CADPS2: variants seen among roughly 807,000 people sequenced by gnomAD.
CADPS2 encodes calcium dependent secretion activator 2.
Under a neutral mutation model 172.5 loss-of-function variants are expected in CADPS2, and 93 were observed. The observed-to-expected ratio is 0.54, with a 90% CI of 0.46 to 0.64. The LOEUF (loss-of-function observed/expected upper bound fraction) is 0.64. CADPS2 is among the 30% of genes least tolerant of loss of function. The probability of loss-of-function intolerance (pLI) is 0.00; values close to 1 mark genes in which losing one functional copy is unlikely to be tolerated. For missense variants in CADPS2, 1,420 were observed against 1,565.9 expected, an observed-to-expected ratio of 0.91 and a Z score of 1.57; for synonymous variants, 546 against 555.2, an observed-to-expected ratio of 0.98 and a Z score of 0.23.
intron 1 of CADPS2, among the ~76,000 whole-genome samples, chr7:122,756,178 T>C (rs1013615925): frequency 6.6e-6 from 1 of 152,220 alleles, no homozygotes; most frequent in Non-Finnish European, 1.5e-5. Flanking sequence ...CTAACTTAAC[T>C]GGCAGTGGAA....
intron 2 of CADPS2, among the ~76,000 whole-genome samples, chr7:122,727,470 T>A (rs1429480260): frequency 1.3e-5 from 2 of 151,558 alleles, no homozygotes; most frequent in East Asian, 3.9e-4. Context: ...TATCCTTTTT[T>A]AAGAATATAC....
chr7:122,780,370 G>T (rs974443446), intron 1 of CADPS2, among the ~76,000 whole-genome samples: 1 of 151,998 alleles, frequency 6.6e-6, no homozygotes, highest in Non-Finnish European at 1.5e-5. Context: ...TAATTCTAGA[G>T]ATATAAATAT....
intron 15 of CADPS2, 59 bp downstream of exon 15, chr7:122,451,315 G>A (rs2053073728): frequency 1.2e-6 from 1 of 852,022 alleles, no homozygotes; most frequent in East Asian, 3.2e-5. Context: ...ATTTTTGGGG[G>A]AAGTAAGGGT....
chr7:122,676,246 T>G (rs573725452), intron 2 of CADPS2, among the ~76,000 whole-genome samples: 83 of 152,198 alleles, frequency 5.5e-4, no homozygotes, highest in African/African-American at 1.8e-3. Context: ...GAGTAGACAA[T>G]AAAATAACTA....
chr7:122,447,608 C>T (rs896607159), intron 15 of CADPS2, among the ~76,000 whole-genome samples: 1 of 129,072 alleles, frequency 7.7e-6, no homozygotes, highest in Non-Finnish European at 1.6e-5. Context: ...GGCTGGAGTG[C>T]AGTCAGGCGA....
intron 1 of CADPS2, among the ~76,000 whole-genome samples, chr7:122,821,176 C>T (rs536752913): frequency 6.6e-6 from 1 of 152,108 alleles, no homozygotes; most frequent in South Asian, 2.1e-4. Flanking sequence ...TTACATTCAC[C>T]CCATTTCCCC....
chr7:122,707,124 A>T (rs1166265989), intron 2 of CADPS2, among the ~76,000 whole-genome samples: 2 of 151,886 alleles, frequency 1.3e-5, no homozygotes, highest in East Asian at 3.9e-4. Flanking sequence ...AAATTCCTGA[A>T]GTATCCCCAA....
At chr7:122,664,433 C>A (rs2080962127) in intron 2 of CADPS2, among the ~76,000 whole-genome samples, 1 of 136,952 alleles carries the variant, frequency 7.3e-6, no homozygotes, top group South Asian at 2.2e-4. Flanking sequence ...AAAATAAAAA[C>A]AACAATAGAG....
At chr7:122,823,281 G>GA (rs975222847) in intron 1 of CADPS2, among the ~76,000 whole-genome samples, 10 of 152,164 alleles carry the variant, frequency 6.6e-5, no homozygotes, top group East Asian at 3.9e-4. Context: ...ATTTTAGGGG[G>GA]AAAAAATCTT....
intron 20 of CADPS2, among the ~76,000 whole-genome samples, chr7:122,403,852 T>C (rs1192716353): frequency 2.0e-5 from 3 of 152,200 alleles, no homozygotes; most frequent in Non-Finnish European, 4.4e-5. Flanking sequence ...TATTAATTCA[T>C]TGTAGTAGAA....
At chr7:122,711,286 G>C (rs1243422832) in intron 2 of CADPS2, among the ~76,000 whole-genome samples, 1 of 152,062 alleles carries the variant, frequency 6.6e-6, no homozygotes, top group Non-Finnish European at 1.5e-5. Flanking sequence ...ATAAGCAGCA[G>C]CCTTTACAGG....
At chr7:122,589,508 T>G (rs2070390432) in intron 6 of CADPS2, among the ~76,000 whole-genome samples, 1 of 151,832 alleles carries the variant, frequency 6.6e-6, no homozygotes, top group African/African-American at 2.4e-5. Flanking sequence ...ATTTTAAAAG[T>G]TCAACACAGG....
intron 1 of CADPS2, among the ~76,000 whole-genome samples, chr7:122,764,722 A>T (rs779653259): frequency 1.3e-5 from 2 of 152,140 alleles, no homozygotes; most frequent in African/African-American, 4.8e-5. Context: ...CATTCAAATA[A>T]TATCAGTGGG....
intron 8 of CADPS2, among the ~76,000 whole-genome samples, chr7:122,533,346 ACT>A (rs1241722477): frequency 2.0e-5 from 3 of 151,974 alleles, no homozygotes; most frequent in Non-Finnish European, 4.4e-5. Context: ...AATGTATGTA[ACT>A]CTCTACCTAG....
intron 12 of CADPS2, among the ~76,000 whole-genome samples, chr7:122,474,895 G>A (rs2056448343): frequency 6.6e-6 from 1 of 152,166 alleles, no homozygotes; most frequent in African/African-American, 2.4e-5. Flanking sequence ...ATGCCTAGGA[G>A]TCTGCTTTCC....
chr7:122,737,080 A>C lies in CADPS2; in HGVS notation c.340-12T>G, dbSNP rs534686325. Reference sequence around the variant, plus strand: ...TGTTGTTTGTTAAGCTACAAGAAAAAGAGAAAATAAGCAGATAAATTGGCC... The same window carrying C: ...TGTTGTTTGTTAAGCTACAAGAAAACGAGAAAATAAGCAGATAAATTGGCC... On this transcript the variant is annotated splice_polypyrimidine_tract_variant and intron_variant, in intron 1 of 29. Transcript: ENST00000449022. The C allele has an allele frequency of 7.0e-6, 10 of 1,430,206 alleles. No homozygotes were observed. In the African/African-American group the frequency reaches 1.4e-4, roughly 20 times the overall value. 88.6% of individuals were successfully genotyped at this position (1,430,206 alleles called of 1,614,324 possible). A position where few individuals can be genotyped will look rare whatever the true frequency, so the allele number is the denominator to read the frequency against.
chr7:122,744,846 A>G (rs1390005110), intron 1 of CADPS2, among the ~76,000 whole-genome samples: 1 of 152,092 alleles, frequency 6.6e-6, no homozygotes, highest in East Asian at 1.9e-4. Context: ...ACATGTCATC[A>G]TGGCATTGTC....
chr7:122,503,485 C>T (rs10264820), intron 9 of CADPS2, among the ~76,000 whole-genome samples: 18,134 of 152,086 alleles, frequency 0.12, 1,875 homozygotes, highest in African/African-American at 0.28. Context: ...TAGGAGGATG[C>T]ACAGTTGTAT....
intron 3 of CADPS2, among the ~76,000 whole-genome samples, chr7:122,658,509 A>G (rs1221413036): frequency 6.6e-6 from 1 of 152,232 alleles, no homozygotes; most frequent in Non-Finnish European, 1.5e-5. Context: ...GATAGACTGG[A>G]TTAAGAAAAT....
Sources: gnomAD v4.1 joint callset for allele counts (sites outside exome capture counted in the v4.1 genomes callset) on GRCh38, gnomAD v4.1.1 for gene constraint, MANE v1.5 for transcripts, NCBI Gene and HGNC (gene_info 2026-07-23, HGNC 2026-07-21) for gene names.